CDH12: variants seen among roughly 807,000 people sequenced by gnomAD.
CDH12 encodes the protein cadherin-12.
CDH12 carries 41 observed loss-of-function variants against 74.1 expected under a neutral mutation model. The observed-to-expected ratio is 0.55, with a 90% CI of 0.43 to 0.72. The LOEUF is 0.72. CDH12 is among the 30% of genes least tolerant of loss of function. The pLI, the probability that CDH12 is intolerant of heterozygous loss-of-function variation, is 0.00. For missense variants in CDH12, 945 were observed against 977.2 expected (o/e 0.97, Z 0.44); for synonymous variants, 399 against 355.0 (o/e 1.12, Z -1.39).
chr5:21,883,580 G>C lies in CDH12; in HGVS notation c.527-28790C>G, dbSNP rs959457779. Reference sequence around the variant, plus strand: ...GTGCAGTGTTTGGAGAAGAGGGGTTGACCCTGAATCTTGAAGATGTTCAGC... The same window carrying C: ...GTGCAGTGTTTGGAGAAGAGGGGTTCACCCTGAATCTTGAAGATGTTCAGC... On this transcript the variant is annotated intron_variant, in intron 6 of 14. Coordinates refer to ENST00000382254, the MANE Select transcript of CDH12 (RefSeq NM_004061.5). The C allele has an allele frequency of 5.0e-6, 8 of 1,604,894 alleles. No individual in the cohort carries two copies. In the Admixed American group the frequency reaches 1.0e-4, roughly 20 times the overall value.
At chr5:22,066,018 G>C (rs1420021212) in intron 5 of CDH12, among the ~76,000 whole-genome samples, 1 of 152,102 alleles carries the variant, frequency 6.6e-6, no homozygotes, top group Non-Finnish European at 1.5e-5. Context: ...CATAAAAACA[G>C]AGAGTCCTTG....
chr5:22,089,973 T>C (rs1366348210), intron 4 of CDH12, among the ~76,000 whole-genome samples: 1 of 151,604 alleles, frequency 6.6e-6, no homozygotes, highest in Admixed American at 6.6e-5. Context: ...AATCAATAAT[T>C]TAACCACCCC....
chr5:21,899,889 T>C (rs768421270), intron 6 of CDH12, among the ~76,000 whole-genome samples: 2 of 152,020 alleles, frequency 1.3e-5, no homozygotes, highest in Non-Finnish European at 2.9e-5. Flanking sequence ...ATAATCACTA[T>C]ATAATTTCCA....
intron 1 of CDH12, among the ~76,000 whole-genome samples, chr5:22,745,583 A>C (rs1353126092): frequency 4.6e-5 from 7 of 152,228 alleles, no homozygotes; most frequent in Non-Finnish European, 1.0e-4. Flanking sequence ...AATACCATGC[A>C]GCCATAAAAA....
intron 3 of CDH12, among the ~76,000 whole-genome samples, chr5:22,348,733 A>G (rs1740231098): frequency 6.6e-6 from 1 of 152,192 alleles, no homozygotes; most frequent in Non-Finnish European, 1.5e-5. Context: ...TACTATTATG[A>G]ATTGAATTAT....
chr5:22,550,879 G>C (rs574949503), intron 1 of CDH12, among the ~76,000 whole-genome samples: 23 of 152,262 alleles, frequency 1.5e-4, no homozygotes, highest in African/African-American at 5.5e-4. Flanking sequence ...CCCTCCCTAT[G>C]CTTCAGCCAG....
chr5:22,185,861 G>A (rs1340712878), intron 4 of CDH12, among the ~76,000 whole-genome samples: 2 of 152,146 alleles, frequency 1.3e-5, no homozygotes, highest in Non-Finnish European at 2.9e-5. Context: ...GTATGCTAAG[G>A]CGTATGAAAG....
rs78841334 is a variant in CDH12 at position 22,226,205 on chromosome 5, T to C, written c.-332-13562A>G. Reference sequence around the variant, plus strand: ...CTATTCTCGGTATCCTGTCTGCGTTTGTGGGAGGCAGAATCCTAAGATGAT... The same window carrying C: ...CTATTCTCGGTATCCTGTCTGCGTTCGTGGGAGGCAGAATCCTAAGATGAT... On this transcript the variant is annotated intron_variant, in intron 3 of 14. Transcript: ENST00000382254. 8.0e-4 allele frequency among the ~76,000 whole-genome samples: 121 copies of C among 152,120 alleles called. 1 individual carries two copies. In the East Asian group the frequency reaches 0.021, roughly 27 times the overall value.
At chr5:22,683,055 G>T (rs1162833215) in intron 1 of CDH12, among the ~76,000 whole-genome samples, 1 of 152,024 alleles carries the variant, frequency 6.6e-6, no homozygotes, top group Admixed American at 6.6e-5. Flanking sequence ...TTCCATGTAG[G>T]TTTATTCTTG....
chr5:22,229,104 C>T (rs1752296541), intron 3 of CDH12, among the ~76,000 whole-genome samples: 1 of 151,582 alleles, frequency 6.6e-6, no homozygotes, highest in Non-Finnish European at 1.5e-5. Flanking sequence ...ATTATCCCAA[C>T]ATGCACTCCC....
chr5:21,830,931 C>A (rs769117084), intron 8 of CDH12, among the ~76,000 whole-genome samples: 10 of 151,772 alleles, frequency 6.6e-5, no homozygotes, highest in African/African-American at 2.4e-4. Flanking sequence ...CCCAGCTACT[C>A]GGGAGGCTGA....
At chr5:22,450,935 G>C (rs1286711822) in intron 2 of CDH12, among the ~76,000 whole-genome samples, 3 of 143,586 alleles carry the variant, frequency 2.1e-5, no homozygotes, top group Non-Finnish European at 4.5e-5. Flanking sequence ...ATCTTTCTCA[G>C]ACTGGAATGC....
At chr5:22,585,260 A>G (rs1580789988) in intron 1 of CDH12, among the ~76,000 whole-genome samples, 1 of 152,240 alleles carries the variant, frequency 6.6e-6, no homozygotes, top group African/African-American at 2.4e-5. Flanking sequence ...CTGGGGTGTA[A>G]AAGATCAGCG....
intron 1 of CDH12, among the ~76,000 whole-genome samples, chr5:22,795,510 G>C (rs1357198985): frequency 3.3e-5 from 5 of 151,380 alleles, no homozygotes; most frequent in African/African-American, 1.2e-4. Context: ...TCATGTATGT[G>C]TGTATATACA....
At chr5:22,345,134 G>A (rs894222348) in intron 3 of CDH12, among the ~76,000 whole-genome samples, 4 of 152,092 alleles carry the variant, frequency 2.6e-5, no homozygotes, top group Admixed American at 6.5e-5. Context: ...GGGTAAAGAG[G>A]CCCATGGTGT....
chr5:21,937,623 T>C (rs1435686468), intron 6 of CDH12, among the ~76,000 whole-genome samples: 1 of 152,196 alleles, frequency 6.6e-6, no homozygotes, highest in Non-Finnish European at 1.5e-5. Flanking sequence ...AGATAGGGAA[T>C]ACAGACAGAG....
At chr5:22,631,809 G>A (rs1316293542) in intron 1 of CDH12, among the ~76,000 whole-genome samples, 2 of 152,108 alleles carry the variant, frequency 1.3e-5, no homozygotes, top group African/African-American at 4.8e-5. Flanking sequence ...CATGACTGGA[G>A]CAGGACAAAG....
At position 22,613,068 on chromosome 5, in the gene CDH12, A is replaced by G. The variant is rs144081429; in HGVS notation, c.-522-107704T>C. On this transcript the variant is annotated intron_variant, in intron 1 of 14. Transcript: ENST00000382254. ...TGAGGTGTAGGTGAGGTAAAGAAGAAGTGAGTGATAAGCATCTTAATGTGA... is the reference window on the plus strand; with the variant it reads ...TGAGGTGTAGGTGAGGTAAAGAAGAGGTGAGTGATAAGCATCTTAATGTGA... Among the ~76,000 whole-genome samples, 4 of 152,142 alleles carry G rather than the reference A, an allele frequency of 2.6e-5. No homozygotes were observed. In the East Asian group the frequency reaches 7.7e-4, roughly 29 times the overall value.
chr5:22,585,720 T>A (rs1740362069), intron 1 of CDH12, among the ~76,000 whole-genome samples: 1 of 133,178 alleles, frequency 7.5e-6, no homozygotes, highest in Admixed American at 7.9e-5. Flanking sequence ...TTTTACTACA[T>A]TTTTTTTTTA....
Sources: allele counts gnomAD v4.1 joint callset (sites outside exome capture counted in the v4.1 genomes callset), GRCh38; gene constraint gnomAD v4.1.1; transcripts MANE v1.5; gene names NCBI Gene and HGNC (gene_info 2026-07-23, HGNC 2026-07-21).